The following VCF2 variants were observed in gnomAD, a reference collection of about 807,000 sequenced individuals.
VCF2 encodes the protein protein VCF2.
chrX:55,150,814 C>T, the VCF2 span, among the ~76,000 whole-genome samples: 21 of 111,373 alleles, frequency 1.9e-4, no homozygotes, highest in Non-Finnish European at 3.6e-4. Context: ...GGAAAAACTT[C>T]CAAGACTCCC....
At chrX:55,152,595 A>G in the VCF2 span, among the ~76,000 whole-genome samples, 1 of 112,314 alleles carries the variant, frequency 8.9e-6, no homozygotes, top group Non-Finnish European at 1.9e-5. Flanking sequence ...AAAGGAAAAT[A>G]AATCTCAGGG....
chrX:55,156,968 G>A, the VCF2 span, among the ~76,000 whole-genome samples: 9 of 112,035 alleles, frequency 8.0e-5, no homozygotes, highest in African/African-American at 3.2e-5. Flanking sequence ...CCATGAACAC[G>A]GCTTCTTAAA....
chrX:55,145,935 G>C, the VCF2 span: 15 of 1,060,779 alleles, frequency 1.4e-5, no homozygotes, highest in Non-Finnish European at 1.8e-5. Flanking sequence ...CCCTTTAAAA[G>C]TACAACAGTG....
the VCF2 span, among the ~76,000 whole-genome samples, chrX:55,151,305 C>G: frequency 1.8e-5 from 2 of 112,300 alleles, no homozygotes; most frequent in Non-Finnish European, 3.8e-5. Flanking sequence ...CTTGAGAAAG[C>G]TGGCCTCATA....
At chrX:55,143,500 G>A in the VCF2 span, 1 of 169,543 alleles carries the variant, frequency 5.9e-6, no homozygotes, top group African/African-American at 3.0e-5. Context: ...GAGAGGGAGA[G>A]AGGACACAGG....
At chrX:55,147,023 A>T in the VCF2 span, among the ~76,000 whole-genome samples, 1 of 111,588 alleles carries the variant, frequency 9.0e-6, no homozygotes, top group Admixed American at 9.5e-5. Context: ...TTTTTCTTTC[A>T]TTAAACTAAC....
chrX:55,148,690 T>A, the VCF2 span, among the ~76,000 whole-genome samples: 1 of 111,340 alleles, frequency 9.0e-6, no homozygotes, highest in Non-Finnish European at 1.9e-5. Flanking sequence ...AATAGTCTTT[T>A]TAGAGATTGG....
the VCF2 span, chrX:55,145,577 AT>A: frequency 1.3e-6 from 1 of 756,467 alleles, no homozygotes; most frequent in Non-Finnish European, 1.6e-6. Context: ...ATGGCAGTTC[AT>A]TTCAGTGCAA....
At chrX:55,148,340 TTTC>T in the VCF2 span, among the ~76,000 whole-genome samples, 1 of 110,561 alleles carries the variant, frequency 9.0e-6, no homozygotes, top group African/African-American at 3.3e-5. Flanking sequence ...TAAAAAATAT[TTTC>T]TTATTTAAAA....
At chrX:55,147,631 C>CTTTT in the VCF2 span, among the ~76,000 whole-genome samples, 5 of 68,567 alleles carry the variant, frequency 7.3e-5, no homozygotes, top group African/African-American at 2.0e-4. Flanking sequence ...GTTGGCTTTC[C>CTTTT]TTGTTTTTTT....
chrX:55,148,479 TTATAAA>T, the VCF2 span, among the ~76,000 whole-genome samples: 3 of 110,442 alleles, frequency 2.7e-5, no homozygotes, highest in South Asian at 1.1e-3. Context: ...ATTTACCTCT[TTATAAA>T]TATAAAGGGG....
At chrX:55,156,387 T>C in the VCF2 span, among the ~76,000 whole-genome samples, 1 of 112,187 alleles carries the variant, frequency 8.9e-6, no homozygotes. Flanking sequence ...AATAATAATA[T>C]GATGCTTATT....
chrX:55,153,521 ATTT>A, the VCF2 span, among the ~76,000 whole-genome samples: 8 of 100,852 alleles, frequency 7.9e-5, no homozygotes, highest in African/African-American at 2.5e-4. Flanking sequence ...CGCCCAGCTA[ATTT>A]TTTTTTTTTT....
the VCF2 span, chrX:55,159,150 A>G: frequency 1.7e-6 from 2 of 1,205,123 alleles, no homozygotes; most frequent in Non-Finnish European, 2.2e-6. Context: ...GAGAATCCTG[A>G]AAGATAGGGT....
chrX:55,148,695 G>A, the VCF2 span, among the ~76,000 whole-genome samples: 1 of 110,927 alleles, frequency 9.0e-6, no homozygotes, highest in African/African-American at 3.2e-5. Context: ...TCTTTTTAGA[G>A]ATTGGGTTTT....
chrX:55,152,323 T>C, the VCF2 span, among the ~76,000 whole-genome samples: 2 of 112,362 alleles, frequency 1.8e-5, no homozygotes, highest in South Asian at 7.4e-4. Flanking sequence ...CAGAGTAATA[T>C]GGCCTATATT....
the VCF2 span, among the ~76,000 whole-genome samples, chrX:55,152,539 A>T: frequency 1.8e-5 from 2 of 112,079 alleles, no homozygotes; most frequent in Admixed American, 1.9e-4. Flanking sequence ...TTTTCTTCTT[A>T]AATGCTTTCT....
At chrX:55,159,578 A>G in the VCF2 span, among the ~76,000 whole-genome samples, 3 of 112,364 alleles carry the variant, frequency 2.7e-5, no homozygotes, top group Admixed American at 2.8e-4. Flanking sequence ...TTACAATTCC[A>G]GGGTAAGTGA....
the VCF2 span, among the ~76,000 whole-genome samples, chrX:55,156,260 T>C: frequency 8.9e-6 from 1 of 111,915 alleles, no homozygotes; most frequent in African/African-American, 3.2e-5. Context: ...CCCAGTATTT[T>C]ACTTTCTTTC....
Sources: allele counts gnomAD v4.1 joint callset (sites outside exome capture counted in the v4.1 genomes callset), GRCh38; gene constraint gnomAD v4.1.1; transcripts MANE v1.5; gene names NCBI Gene and HGNC (gene_info 2026-07-23, HGNC 2026-07-21).